The following CACNA1A variants were observed in gnomAD, a reference collection of about 807,000 sequenced individuals.
CACNA1A encodes the protein calcium voltage-gated channel subunit alpha1 A, also known as voltage-dependent P/Q-type calcium channel subunit alpha-1A.
CACNA1A carries 57 observed loss-of-function variants against 262.4 expected under a neutral mutation model. The observed-to-expected ratio is 0.22, with a 90% CI of 0.18 to 0.27. CACNA1A has a LOEUF of 0.27. CACNA1A is among the 10% of genes least tolerant of loss of function. CACNA1A has a pLI of 1.00. For synonymous variants in CACNA1A, 1,431 were observed against 1,419.3 expected (o/e 1.01, Z -0.18); for missense variants, 2,526 against 3,562.8 (o/e 0.71, Z 7.41).
rs1252954064 is a variant in CACNA1A, at chr19:13,472,328, TATATGTA to T, written c.294-17123_294-17117del. Among the ~76,000 whole-genome samples the T allele has an allele frequency of 7.9e-5, 12 of 152,004 alleles. No individual in the cohort carries two copies. In the East Asian group the frequency reaches 2.1e-3, roughly 27 times the overall value. On this transcript the variant is annotated intron_variant, in intron 1 of 46. Coordinates refer to ENST00000360228, the MANE Select transcript of CACNA1A (RefSeq NM_001127222.2). ...TATATGTATACATATATATGCTTTA[TATATGTA>T]ATATTATATGTTTGTATATATGTAT...
chr19:13,501,324 C>T (rs183126557), intron 1 of CACNA1A, among the ~76,000 whole-genome samples: 1 of 151,838 alleles, frequency 6.6e-6, no homozygotes, highest in African/African-American at 2.4e-5. Flanking sequence ...TATAGACGCA[C>T]AATACCACGC....
chr19:13,257,254 AG>A, intron 28 of CACNA1A, 95 bp downstream of exon 28: 1 of 962,186 alleles, frequency 1.0e-6, no homozygotes, highest in Non-Finnish European at 1.6e-6. Flanking sequence ...TCCCTCCCCC[AG>A]GTACCCCTAG....
chr19:13,488,509 CTGCCT>C (rs1568697827), intron 1 of CACNA1A, among the ~76,000 whole-genome samples: 1 of 148,360 alleles, frequency 6.7e-6, no homozygotes, highest in Non-Finnish European at 1.5e-5. Context: ...AGCAGTTCTC[CTGCCT>C]CAGCCTCCCA....
intron 1 of CACNA1A, among the ~76,000 whole-genome samples, chr19:13,500,325 C>CA (rs1371203984): frequency 6.6e-6 from 1 of 152,188 alleles, no homozygotes; most frequent in Non-Finnish European, 1.5e-5. Flanking sequence ...CTCACAGCCT[C>CA]AGAGCTTGAC....
chr19:13,374,531 T>A lies in CACNA1A; in HGVS notation c.540-2752A>T, dbSNP rs150933353. 2.4e-3 allele frequency among the ~76,000 whole-genome samples: 361 copies of A among 152,246 alleles called. 2 individuals are homozygous for A. The highest frequency in any genetic ancestry group is 7.0e-3 in the African/African-American group (292 of 41,540). ...TCCCAAAGTGCTGGGATTATAGGTA[T>A]GAGCTACTGCACTTGGCCCATTCAA... is the stretch of plus-strand genomic sequence containing the variant. On this transcript the variant is annotated intron_variant, in intron 3 of 46. Coordinates refer to ENST00000360228, the MANE Select transcript of CACNA1A (RefSeq NM_001127222.2).
intron 6 of CACNA1A, among the ~76,000 whole-genome samples, chr19:13,342,702 C>G (rs150095834): frequency 1.8e-3 from 271 of 152,276 alleles, no homozygotes; most frequent in African/African-American, 6.3e-3. Context: ...GACCTTCTAG[C>G]ATTCCTTTTT....
At chr19:13,437,915 T>C (rs1366046991) in intron 3 of CACNA1A, among the ~76,000 whole-genome samples, 1 of 151,874 alleles carries the variant, frequency 6.6e-6, no homozygotes, top group Admixed American at 6.6e-5. Context: ...AGGTTGCGTG[T>C]CTGTGCATGT....
At chr19:13,322,942 T>C (rs1465688184) in intron 10 of CACNA1A, among the ~76,000 whole-genome samples, 1 of 152,136 alleles carries the variant, frequency 6.6e-6, no homozygotes, top group African/African-American at 2.4e-5. Context: ...GTACCAGGGG[T>C]TAGAACTTCA....
chr19:13,310,515 T>TAGAGAA (rs2058011156), intron 12 of CACNA1A, among the ~76,000 whole-genome samples: 1 of 69,372 alleles, frequency 1.4e-5, no homozygotes, highest in Non-Finnish European at 2.6e-5. Flanking sequence ...TATATATATG[T>TAGAGAA]AGAGAGAGAG....
chr19:13,373,763 G>A (rs751202361), intron 3 of CACNA1A, among the ~76,000 whole-genome samples: 46 of 152,200 alleles, frequency 3.0e-4, no homozygotes, highest in Admixed American at 6.5e-5. Flanking sequence ...CTAGAGGAGA[G>A]ATGGGCATAT....
At chr19:13,291,881 C>T (rs144147062) in intron 19 of CACNA1A, among the ~76,000 whole-genome samples, 2 of 152,204 alleles carry the variant, frequency 1.3e-5, no homozygotes, top group East Asian at 3.9e-4. Context: ...ACTCCCTACC[C>T]CCATGCAGGA....
intron 10 of CACNA1A, among the ~76,000 whole-genome samples, chr19:13,328,633 G>A (rs986146046): frequency 9.2e-5 from 14 of 152,018 alleles, no homozygotes; most frequent in Admixed American, 2.6e-4. Flanking sequence ...CCCAAAGGGT[G>A]GGGGGAGTCA....
At chr19:13,318,211 T>C (rs2058166084) in intron 10 of CACNA1A, among the ~76,000 whole-genome samples, 1 of 152,100 alleles carries the variant, frequency 6.6e-6, no homozygotes, top group Admixed American at 6.6e-5. Flanking sequence ...CAACATTAAA[T>C]TGCATGGTCA....
In CACNA1A at chr19:13,299,123, T is replaced by C. The variant is rs1293855171; in HGVS notation, c.2510A>G (p.Lys837Arg). 1 of 1,613,022 alleles carries C rather than the reference T, an allele frequency of 6.2e-7. No homozygotes were observed. The highest frequency in any genetic ancestry group is 8.5e-7 in the Non-Finnish European group (1 of 1,179,780). ...PQENRNNNTN[K>R]SRAAEPTVDQ... Reference sequence around the variant, plus strand: ...CACGGTGGGCTCGGCCGCCCGGCTCTTGTTGGTGTTGTTGTTGCGGTTCTC... The same window carrying C: ...CACGGTGGGCTCGGCCGCCCGGCTCCTGTTGGTGTTGTTGTTGCGGTTCTC... The change falls in exon 19 of 47, where the codon AAG becomes AGG. Residue 837 changes from lysine to arginine, a missense_variant. Physicochemically the swap from Lys to Arg is conservative, Grantham distance 26. This residue lies in a region of CACNA1A where 765 missense variants were observed against 748.6 expected (regional missense o/e 1.02). Coordinates refer to ENST00000360228, the MANE Select transcript of CACNA1A (RefSeq NM_001127222.2).
chr19:13,474,919 G>A (rs1978346312), intron 1 of CACNA1A, among the ~76,000 whole-genome samples: 1 of 152,180 alleles, frequency 6.6e-6, no homozygotes, highest in African/African-American at 2.4e-5. Context: ...AAACAAGGAG[G>A]TTGAGAATGA....
intron 3 of CACNA1A, chr19:13,450,899 A>C (rs2060903903): frequency 6.6e-6 from 1 of 152,212 alleles, no homozygotes; most frequent in Non-Finnish European, 1.5e-5. Context: ...TCCTGGGCCC[A>C]AGCAATCCTC....
intron 24 of CACNA1A, among the ~76,000 whole-genome samples, chr19:13,264,630 T>C (rs1459628797): frequency 1.3e-5 from 2 of 152,214 alleles, no homozygotes; most frequent in Non-Finnish European, 2.9e-5. Flanking sequence ...GCATATACTG[T>C]TCCCGCTGCT....
chr19:13,250,304 CCCT>C (rs1191976897), intron 30 of CACNA1A, among the ~76,000 whole-genome samples: 7 of 152,138 alleles, frequency 4.6e-5, no homozygotes, highest in African/African-American at 1.2e-4. Flanking sequence ...AAGGGATCTG[CCCT>C]CCTCAAGCTC....
chr19:13,427,558 A>T (rs1385668339), intron 3 of CACNA1A, among the ~76,000 whole-genome samples: 2 of 152,166 alleles, frequency 1.3e-5, no homozygotes, highest in Admixed American at 1.3e-4. Flanking sequence ...CCAAATTTGC[A>T]ACCCTAGAGT....
Sources: allele counts gnomAD v4.1 joint callset (sites outside exome capture counted in the v4.1 genomes callset), GRCh38; gene constraint gnomAD v4.1.1; regional missense constraint gnomAD v4.1.1; transcripts MANE v1.5; gene names NCBI Gene and HGNC (gene_info 2026-07-23, HGNC 2026-07-21).